Variants in SCUBE1 observed in about 807,000 individuals in gnomAD.
SCUBE1 encodes signal peptide, CUB and EGF-like domain-containing protein 1.
SCUBE1 carries 59 observed loss-of-function variants against 124.4 expected under a neutral mutation model. The observed-to-expected ratio is 0.47, with a 90% CI of 0.38 to 0.59. The LOEUF (loss-of-function observed/expected upper bound fraction) is 0.59, where lower values mean the gene tolerates loss of function less well. Among genes scored for constraint, SCUBE1 ranks in the 20% least tolerant of loss-of-function variants. The probability of loss-of-function intolerance (pLI) is 0.00; values close to 1 mark genes in which losing one functional copy is unlikely to be tolerated. For missense variants in SCUBE1, 1,150 were observed against 1,371.2 expected, an observed-to-expected ratio of 0.84 and a Z score of 2.55; for synonymous variants, 545 against 550.9, an observed-to-expected ratio of 0.99 and a Z score of 0.15.
Position 43,258,179 on chromosome 22 carries a change from G to C in SCUBE1, c.727+40C>G. 2 of 1,365,282 alleles carry C rather than the reference G, an allele frequency of 1.5e-6. No homozygotes were observed. Among genetic ancestry groups the C allele is most frequent in the Non-Finnish European group, 2.1e-6 (2 of 961,136 alleles). The allele number at this position is 1,365,282 out of a possible 1,614,324, so 84.6% of individuals were successfully genotyped here. A position where few individuals can be genotyped will look rare whatever the true frequency, so the allele number is the denominator to read the frequency against. ...GTGCACGCATGGGGGGTCGGGGGCG[G>C]GGGGCGCAAGGGTGGTGTGTGGCAG... On this transcript the variant is annotated intron_variant, in intron 6 of 21. Transcript: ENST00000360835. This position sits in a 1 kb window ranked among gnomAD's most constrained non-coding sequence, Gnocchi z 5.0.
intron 6 of SCUBE1, among the ~76,000 whole-genome samples, chr22:43,252,424 A>G (rs919282275): frequency 6.6e-6 from 1 of 152,100 alleles, no homozygotes; most frequent in Non-Finnish European, 1.5e-5. Flanking sequence ...GGGGACGGGG[A>G]TCTGAGCATC....
chr22:43,329,225 C>A (rs1256755730), intron 2 of SCUBE1, among the ~76,000 whole-genome samples: 1 of 152,268 alleles, frequency 6.6e-6, no homozygotes, highest in Non-Finnish European at 1.5e-5. Context: ...GTGCTCCTGC[C>A]TACAGACTGG....
At chr22:43,300,930 C>A (rs541426065) in intron 3 of SCUBE1, among the ~76,000 whole-genome samples, 2 of 152,136 alleles carry the variant, frequency 1.3e-5, no homozygotes, top group Non-Finnish European at 2.9e-5. Flanking sequence ...GGACATCCTG[C>A]GGGCGTGACA....
chr22:43,326,813 T>G (rs1926742155), intron 2 of SCUBE1, among the ~76,000 whole-genome samples: 1 of 152,066 alleles, frequency 6.6e-6, no homozygotes, highest in Non-Finnish European at 1.5e-5. Context: ...CTTTGACTCA[T>G]GCTGTTCCCT....
rs1366327331 is a variant in SCUBE1 at position 43,198,934 on chromosome 22, G to A, written c.*5063C>T. 8.1e-6 allele frequency: 3 copies of A among 369,070 alleles called. No individual in the cohort carries two copies. The highest frequency in any genetic ancestry group is 1.6e-5 in the Non-Finnish European group (3 of 188,894). The allele number at this position is 369,070 out of a possible 1,614,324, so 22.9% of individuals were successfully genotyped here. A position where few individuals can be genotyped will look rare whatever the true frequency, so the allele number is the denominator to read the frequency against. Reference sequence around the variant, plus strand: ...GTCTGTCTGCTGTCTGGGGCAGTTTGTCTGTCTGTCTGCTGTCCGGGGCAG... The same window carrying A: ...GTCTGTCTGCTGTCTGGGGCAGTTTATCTGTCTGTCTGCTGTCCGGGGCAG... On this transcript the variant is annotated 3_prime_UTR_variant, in exon 22 of 22. Transcript: ENST00000360835.
intron 3 of SCUBE1, among the ~76,000 whole-genome samples, chr22:43,297,253 C>T (rs1925598245): frequency 6.6e-6 from 1 of 152,236 alleles, no homozygotes; most frequent in African/African-American, 2.4e-5. Flanking sequence ...TTGGGGTAGG[C>T]TGCACACTTC....
In SCUBE1 at chr22:43,211,362, G is replaced by A. The variant is rs527768751; in HGVS notation, c.2222-279C>T. Among the ~76,000 whole-genome samples, 16 of 152,186 alleles carry A rather than the reference G, an allele frequency of 1.1e-4. No homozygotes were observed. The highest frequency in any genetic ancestry group is 1.8e-4 in the Non-Finnish European group (12 of 67,990). On this transcript the variant is annotated intron_variant, in intron 17 of 21. Coordinates refer to ENST00000360835, the MANE Select transcript of SCUBE1 (RefSeq NM_173050.5). The surrounding 1 kb of genome is among the most constrained non-coding windows in gnomAD (Gnocchi z 4.5). The stretch of plus-strand genomic sequence containing the variant: ...GATGGGAGCCATTTTCAGGGAGAGC[G>A]GGGGCGATGATGTGGCCGGAGGCGT...
intron 3 of SCUBE1, among the ~76,000 whole-genome samples, chr22:43,300,440 C>T (rs1024660640): frequency 9.9e-5 from 15 of 152,024 alleles, no homozygotes; most frequent in Non-Finnish European, 1.3e-4. Flanking sequence ...GATACAGCGA[C>T]GCTCAAGACA....
intron 2 of SCUBE1, among the ~76,000 whole-genome samples, chr22:43,330,887 C>A (rs1483246575): frequency 6.6e-6 from 1 of 152,178 alleles, no homozygotes; most frequent in Non-Finnish European, 1.5e-5. Flanking sequence ...TTCGGCAGAG[C>A]ACACGTTAGC....
chr22:43,242,586 C>T (rs1299296014), intron 6 of SCUBE1, among the ~76,000 whole-genome samples: 3 of 152,224 alleles, frequency 2.0e-5, no homozygotes, highest in African/African-American at 7.2e-5. Flanking sequence ...ATTATGGCCT[C>T]ATGAGGAATC....
At chr22:43,315,840 C>T (rs1238358869) in intron 3 of SCUBE1, among the ~76,000 whole-genome samples, 1 of 152,154 alleles carries the variant, frequency 6.6e-6, no homozygotes, top group Non-Finnish European at 1.5e-5. Context: ...GAGACAAAGG[C>T]CCACACAGAC....
intron 4 of SCUBE1, among the ~76,000 whole-genome samples, chr22:43,289,458 T>C (rs1299932857): frequency 6.6e-6 from 1 of 152,248 alleles, no homozygotes; most frequent in African/African-American, 2.4e-5. Context: ...TCTGTTCTTC[T>C]GGGGACACCA....
intron 15 of SCUBE1, among the ~76,000 whole-genome samples, chr22:43,215,246 G>C (rs1277351684): frequency 6.6e-6 from 1 of 152,198 alleles, no homozygotes; most frequent in African/African-American, 2.4e-5. Flanking sequence ...GAGCCAGCTT[G>C]GTGGGGCATC....
intron 6 of SCUBE1, among the ~76,000 whole-genome samples, chr22:43,256,437 C>G (rs756435508): frequency 2.0e-5 from 3 of 152,050 alleles, no homozygotes; most frequent in Non-Finnish European, 4.4e-5. Flanking sequence ...AAGGGGGACA[C>G]AGATGAACAG....
chr22:43,269,471 C>A (rs566167684), intron 4 of SCUBE1, among the ~76,000 whole-genome samples: 13 of 152,160 alleles, frequency 8.5e-5, no homozygotes, highest in Non-Finnish European at 1.9e-4. Context: ...CCGCCACGGT[C>A]GGATAACAAA....
chr22:43,212,232 C>T lies in SCUBE1; in HGVS notation c.2221+193G>A, dbSNP rs555641582. ...TTCCCCCTGGAGCTCAGAAAGCTCTCAGCTATAAGGTGTCCCTGTCCTAAT... is the reference window on the plus strand; with the variant it reads ...TTCCCCCTGGAGCTCAGAAAGCTCTTAGCTATAAGGTGTCCCTGTCCTAAT... On this transcript the variant is annotated intron_variant, in intron 17 of 21. Transcript: ENST00000360835. Among the ~76,000 whole-genome samples, 14 of 152,342 alleles carry T rather than the reference C, an allele frequency of 9.2e-5. No individual in the cohort carries two copies. The South Asian group carries it at 2.3e-3, about 25-fold the overall frequency.
At chr22:43,286,115 G>A (rs1925130860) in intron 4 of SCUBE1, among the ~76,000 whole-genome samples, 1 of 152,186 alleles carries the variant, frequency 6.6e-6, no homozygotes. Flanking sequence ...GCCCTCTCAG[G>A]GCCTCATTTC....
chr22:43,299,878 G>C (rs951658362), intron 3 of SCUBE1, among the ~76,000 whole-genome samples: 1 of 152,136 alleles, frequency 6.6e-6, no homozygotes, highest in Admixed American at 6.5e-5. Flanking sequence ...AGAGTCATGC[G>C]ATATTTGTCT....
chr22:43,283,972 A>T (rs1925028819), intron 4 of SCUBE1: 1 of 152,374 alleles, frequency 6.6e-6, no homozygotes, highest in African/African-American at 2.4e-5. Flanking sequence ...TCATCCAGCA[A>T]ATACTCAGAA....
Sources: allele counts gnomAD v4.1 joint callset (sites outside exome capture counted in the v4.1 genomes callset), GRCh38; gene constraint gnomAD v4.1.1; non-coding constraint Gnocchi (gnomAD v3.1); transcripts MANE v1.5; gene names NCBI Gene and HGNC (gene_info 2026-07-23, HGNC 2026-07-21).